Variants in FRMD6 observed in about 807,000 individuals in gnomAD.
The protein encoded by FRMD6 is FERM domain containing 6.
Under a neutral mutation model 73.2 loss-of-function variants are expected in FRMD6, and 37 were observed. The ratio of observed to expected loss-of-function variants is 0.51; its 90% confidence interval spans 0.39 to 0.66. The LOEUF (loss-of-function observed/expected upper bound fraction) is 0.66. Ranked by LOEUF, FRMD6 falls within the 30% of genes least tolerant of loss-of-function variation. The probability of loss-of-function intolerance (pLI) is 0.00; values close to 1 mark genes in which losing one functional copy is unlikely to be tolerated. For synonymous variants in FRMD6, 273 were observed against 282.2 expected, an observed-to-expected ratio of 0.97 and a Z score of 0.33; for missense variants, 714 against 780.5, an observed-to-expected ratio of 0.91 and a Z score of 1.02.
chr14:51,495,979 A>G (rs1010810742), intron 1 of FRMD6, among the ~76,000 whole-genome samples: 2 of 152,196 alleles, frequency 1.3e-5, no homozygotes, highest in African/African-American at 4.8e-5. Flanking sequence ...GTCCCTACCC[A>G]CATTCTATAA....
At chr14:51,529,472 G>C (rs1245383023) in intron 1 of FRMD6, among the ~76,000 whole-genome samples, 2 of 151,484 alleles carry the variant, frequency 1.3e-5, no homozygotes, top group South Asian at 2.1e-4. Flanking sequence ...ATCATACACA[G>C]AGAGAGAGAG....
chr14:51,712,482 G>C lies in FRMD6; in HGVS notation c.781-1G>C. ...ACTCCATATGCATATTCTTTTCACA[G>C]AATTTAGATGAAGAGAAACAATTAC... is the stretch of plus-strand genomic sequence containing the variant. On this transcript the variant is annotated splice_acceptor_variant, in intron 8 of 13. Transcript: ENST00000344768. LOFTEE classifies it high-confidence loss of function. 6.4e-7 allele frequency: 1 copy of C among 1,572,470 alleles called. No individual in the cohort carries two copies. Among genetic ancestry groups the C allele is most frequent in the Non-Finnish European group, 8.7e-7 (1 of 1,143,932 alleles).
At chr14:51,502,764 A>G (rs1424594436) in intron 1 of FRMD6, among the ~76,000 whole-genome samples, 1 of 152,202 alleles carries the variant, frequency 6.6e-6, no homozygotes, top group Non-Finnish European at 1.5e-5. Flanking sequence ...TGGGAATAGC[A>G]GTGATTATAT....
At chr14:51,450,806 CA>C in the FRMD6 span, among the ~76,000 whole-genome samples, 1 of 152,260 alleles carries the variant, frequency 6.6e-6, no homozygotes, top group Middle Eastern at 3.4e-3. Context: ...ATAAATTCCA[CA>C]AATGTTTGTT....
intron 1 of FRMD6, among the ~76,000 whole-genome samples, chr14:51,682,078 T>C (rs1015611403): frequency 2.6e-5 from 4 of 152,228 alleles, no homozygotes; most frequent in African/African-American, 9.6e-5. Flanking sequence ...ATTACTGTTA[T>C]TAATTGCCCA....
At chr14:51,433,773 C>G in the FRMD6 span, among the ~76,000 whole-genome samples, 1 of 152,184 alleles carries the variant, frequency 6.6e-6, no homozygotes, top group Admixed American at 6.5e-5. Context: ...AGCGCTGACT[C>G]TTAGAACTAT....
chr14:51,420,674 C>T, the FRMD6 span, among the ~76,000 whole-genome samples: 4 of 152,158 alleles, frequency 2.6e-5, no homozygotes, highest in Non-Finnish European at 4.4e-5. Flanking sequence ...CAGCTATTTA[C>T]ATAGCATTTA....
intron 2 of FRMD6, chr14:51,643,778 G>T (rs891576797): frequency 1.3e-5 from 2 of 152,196 alleles, no homozygotes; most frequent in Non-Finnish European, 2.9e-5. Context: ...AGGTGGCGGA[G>T]GCTGAGCAAA....
chr14:51,497,253 A>G (rs940532922), intron 1 of FRMD6, among the ~76,000 whole-genome samples: 5 of 133,536 alleles, frequency 3.7e-5, no homozygotes, highest in Non-Finnish European at 6.4e-5. Flanking sequence ...TTTTTTTTTT[A>G]AGAAACAACC....
chr14:51,577,975 G>T (rs938083822), intron 2 of FRMD6, among the ~76,000 whole-genome samples: 3 of 152,078 alleles, frequency 2.0e-5, no homozygotes, highest in Admixed American at 2.0e-4. Context: ...CTACTCACAG[G>T]TTATCATGAG....
rs369688308 is a variant in FRMD6 at position 51,720,274 on chromosome 14, G to C, written c.1244G>C (p.Ser415Thr). Residue 415 changes from serine to threonine, a missense_variant, in exon 11 of 14, where the codon AGT becomes ACT. Coordinates refer to ENST00000344768, the MANE Select transcript of FRMD6 (RefSeq NM_001267046.2). ...GGGCCAGAAGACAGCTACTCCAGCA[G>C]TGCCATCCACCGCAAGCTGAAAACC... is the stretch of plus-strand genomic sequence containing the variant. ...DTGPEDSYSS[S>T]AIHRKLKTCS... 3 of 1,614,022 alleles carry C rather than the reference G, an allele frequency of 1.9e-6. No individual in the cohort carries two copies. The highest frequency in any genetic ancestry group is 2.5e-6 in the Non-Finnish European group (3 of 1,179,978).
chr14:51,547,601 T>C (rs1285193673), intron 1 of FRMD6: 1 of 152,222 alleles, frequency 6.6e-6, no homozygotes, highest in Non-Finnish European at 1.5e-5. Context: ...ACGACGCTTA[T>C]TGAGTATGGA....
At chr14:51,526,969 A>G (rs368910352) in intron 1 of FRMD6, among the ~76,000 whole-genome samples, 42 of 152,370 alleles carry the variant, frequency 2.8e-4, no homozygotes, top group African/African-American at 9.4e-4. Flanking sequence ...GACAAGGTAG[A>G]TGAGTATGGG....
chr14:51,725,757 T>C, intron 12 of FRMD6, 22 bp from the exon 13 acceptor site: 1 of 1,538,306 alleles, frequency 6.5e-7, no homozygotes, highest in Non-Finnish European at 9.0e-7. Flanking sequence ...TTTATTGTTT[T>C]TATCTCTGTG....
intron 2 of FRMD6, among the ~76,000 whole-genome samples, chr14:51,625,070 G>A (rs975653188): frequency 6.6e-6 from 1 of 152,216 alleles, no homozygotes; most frequent in African/African-American, 2.4e-5. Context: ...CTAAAAGGTG[G>A]CAAAATTATC....
intron 1 of FRMD6, among the ~76,000 whole-genome samples, chr14:51,519,259 G>A (rs1884812028): frequency 6.7e-6 from 1 of 148,994 alleles, no homozygotes; most frequent in African/African-American, 2.5e-5. Flanking sequence ...CCGCCTCAGG[G>A]GTTCAAGTGA....
the FRMD6 span, among the ~76,000 whole-genome samples, chr14:51,413,775 A>G: frequency 0.012 from 1,752 of 152,316 alleles, 37 homozygotes; most frequent in African/African-American, 0.04. Context: ...ACTCCTACCA[A>G]CAGTGTTAAA....
intron 7 of FRMD6, among the ~76,000 whole-genome samples, chr14:51,710,370 C>G (rs1421809442): frequency 6.6e-6 from 1 of 152,040 alleles, no homozygotes; most frequent in East Asian, 1.9e-4. Context: ...GAAAAAAAAC[C>G]CGTTTTGTGC....
chr14:51,448,505 G>C, the FRMD6 span, among the ~76,000 whole-genome samples: 1 of 152,204 alleles, frequency 6.6e-6, no homozygotes, highest in Non-Finnish European at 1.5e-5. Flanking sequence ...GAATTTGTTG[G>C]CATGTCTGAG....
Sources: gnomAD v4.1 joint callset for allele counts (sites outside exome capture counted in the v4.1 genomes callset) on GRCh38, gnomAD v4.1.1 for gene constraint, MANE v1.5 for transcripts, NCBI Gene and HGNC (gene_info 2026-07-23, HGNC 2026-07-21) for gene names.